RANBP2: variants seen among roughly 807,000 people sequenced by gnomAD.
RANBP2 encodes E3 SUMO-protein ligase RanBP2.
In RANBP2, 57 loss-of-function variants were observed where a neutral mutation model predicts 303.6. The ratio of observed to expected loss-of-function variants is 0.19; its 90% CI spans 0.15 to 0.23. The LOEUF is 0.23. Ranked by LOEUF, RANBP2 falls within the 10% of genes least tolerant of loss-of-function variation. The pLI, the probability that RANBP2 is intolerant of heterozygous loss-of-function variation, is 1.00. For missense variants in RANBP2, 3,138 were observed against 3,780.8 expected (o/e 0.83, Z 4.46); for synonymous variants, 1,167 against 1,301.5 (o/e 0.90, Z 2.23).
chr2:109,145,921 G>A, the RANBP2 span, among the ~76,000 whole-genome samples: 1 of 152,172 alleles, frequency 6.6e-6, no homozygotes, highest in Admixed American at 6.5e-5. Flanking sequence ...GAGCCCGAAT[G>A]CCTGGGTTCA....
the RANBP2 span, chr2:109,614,752 C>T: frequency 2.0e-6 from 3 of 1,482,368 alleles, no homozygotes; most frequent in Non-Finnish European, 2.7e-6. Flanking sequence ...GAAGGGCCGT[C>T]CGAGCCCTCC....
chr2:109,346,585 C>T, the RANBP2 span, among the ~76,000 whole-genome samples: 1 of 150,942 alleles, frequency 6.6e-6, no homozygotes, highest in East Asian at 2.0e-4. Context: ...ATTGGCCACC[C>T]ATAAAGGAAA....
At chr2:108,970,315 C>T in the RANBP2 span, among the ~76,000 whole-genome samples, 2 of 152,082 alleles carry the variant, frequency 1.3e-5, no homozygotes, top group African/African-American at 4.8e-5. Context: ...GAGTCAGTGA[C>T]AGGATGCAGG....
the RANBP2 span, chr2:109,574,866 A>ACTGTTTATTAAT: frequency 1.3e-6 from 1 of 764,332 alleles, no homozygotes; most frequent in Non-Finnish European, 1.9e-6. Flanking sequence ...TCACTAATTA[A>ACTGTTTATTAAT]TAAACAGTTA....
the RANBP2 span, among the ~76,000 whole-genome samples, chr2:109,561,526 C>G: frequency 6.6e-6 from 1 of 152,118 alleles, no homozygotes; most frequent in Non-Finnish European, 1.5e-5. Context: ...AAGATTTTAC[C>G]CAGTATTATT....
chr2:109,059,097 G>A, the RANBP2 span, among the ~76,000 whole-genome samples: 4 of 152,144 alleles, frequency 2.6e-5, no homozygotes, highest in Non-Finnish European at 2.9e-5. Flanking sequence ...GTTCCAAAGC[G>A]GGGGTGGGGA....
At chr2:109,129,614 A>G in the RANBP2 span, 3 of 1,485,792 alleles carry the variant, frequency 2.0e-6, no homozygotes, top group Non-Finnish European at 1.8e-6. Flanking sequence ...GGCGACGAGG[A>G]CAGGCCAGGC....
At chr2:108,725,355 T>C (rs1694612918) in intron 1 of RANBP2, among the ~76,000 whole-genome samples, 1 of 151,958 alleles carries the variant, frequency 6.6e-6, no homozygotes. Context: ...TAAAGTTGTT[T>C]AATTATCTTA....
chr2:108,741,157 ATATC>A (rs1254764757), intron 7 of RANBP2, among the ~76,000 whole-genome samples: 1 of 152,102 alleles, frequency 6.6e-6, no homozygotes, highest in African/African-American at 2.4e-5. Flanking sequence ...ATGTAACAGT[ATATC>A]TATTAATCTT....
At chr2:109,167,738 A>T in the RANBP2 span, among the ~76,000 whole-genome samples, 1 of 151,914 alleles carries the variant, frequency 6.6e-6, no homozygotes, top group Admixed American at 6.6e-5. Context: ...CGCCTGGCTA[A>T]TTTTTTGTAT....
chr2:109,228,698 G>A, the RANBP2 span, among the ~76,000 whole-genome samples: 12 of 152,106 alleles, frequency 7.9e-5, no homozygotes, highest in Non-Finnish European at 8.8e-5. Context: ...AAAGATACAG[G>A]CAAGCAGCCA....
chr2:109,013,090 C>G, the RANBP2 span, among the ~76,000 whole-genome samples: 1 of 152,176 alleles, frequency 6.6e-6, no homozygotes, highest in East Asian at 1.9e-4. Context: ...AGAATTCCAG[C>G]CAAGGAGCCT....
At chr2:109,497,597 G>A in the RANBP2 span, among the ~76,000 whole-genome samples, 1 of 152,190 alleles carries the variant, frequency 6.6e-6, no homozygotes, top group Non-Finnish European at 1.5e-5. Flanking sequence ...GTCATCCTCA[G>A]CTGCTGACAC....
chr2:109,336,119 G>T, the RANBP2 span, among the ~76,000 whole-genome samples: 13 of 152,256 alleles, frequency 8.5e-5, no homozygotes, highest in African/African-American at 2.2e-4. Context: ...ATTTTAGGAA[G>T]TTCAAAAATA....
the RANBP2 span, among the ~76,000 whole-genome samples, chr2:109,142,619 G>A: frequency 6.6e-6 from 1 of 152,164 alleles, no homozygotes; most frequent in Non-Finnish European, 1.5e-5. Flanking sequence ...TGGGTTCTCT[G>A]GGGGCAGAAC....
the RANBP2 span, among the ~76,000 whole-genome samples, chr2:108,972,686 C>T: frequency 4.6e-5 from 7 of 152,196 alleles, no homozygotes; most frequent in East Asian, 3.9e-4. Context: ...GAGAACTTGA[C>T]GTGATCATTT....
At chr2:108,750,039 A>C (rs895945392) in intron 9 of RANBP2, among the ~76,000 whole-genome samples, 3 of 152,226 alleles carry the variant, frequency 2.0e-5, no homozygotes, top group Non-Finnish European at 4.4e-5. Flanking sequence ...AGTCCTACTC[A>C]GGAGGCTGAG....
At chr2:109,611,426 A>G in the RANBP2 span, among the ~76,000 whole-genome samples, 89 of 152,136 alleles carry the variant, frequency 5.9e-4, no homozygotes, top group East Asian at 1.9e-3. Context: ...TTCAAATCAC[A>G]TATCTGAGAA....
chr2:108,786,693 C>T (rs921480849), downstream of RANBP2: 4 of 867,140 alleles, frequency 4.6e-6, no homozygotes, highest in Admixed American at 2.2e-5. Flanking sequence ...CGCCCCGCCC[C>T]GCCCTTTCCC....
Sources: allele counts gnomAD v4.1 joint callset (sites outside exome capture counted in the v4.1 genomes callset), GRCh38; gene constraint gnomAD v4.1.1; transcripts MANE v1.5; gene names NCBI Gene and HGNC (gene_info 2026-07-23, HGNC 2026-07-21).